Variants in SH3GL2 observed in about 807,000 individuals in gnomAD.
SH3GL2 encodes the protein endophilin-A1.
Under a neutral mutation model 46.0 loss-of-function variants are expected in SH3GL2, and 24 were observed. The ratio of observed to expected loss-of-function variants is 0.52; its 90% CI spans 0.38 to 0.73. The LOEUF is 0.73. SH3GL2 is among the 30% of genes least tolerant of loss of function. SH3GL2 has a pLI of 0.00. For missense variants in SH3GL2, 413 were observed against 424.2 expected, an observed-to-expected ratio of 0.97 and a Z score of 0.23; for synonymous variants, 196 against 147.1, an observed-to-expected ratio of 1.33 and a Z score of -2.40.
intron 1 of SH3GL2, among the ~76,000 whole-genome samples, chr9:17,727,649 A>G (rs1317143666): frequency 2.0e-5 from 3 of 152,152 alleles, no homozygotes; most frequent in Non-Finnish European, 4.4e-5. Context: ...GGAGGCAACC[A>G]CAGCCACTGG....
chr9:17,600,232 T>A (rs1014379110), intron 1 of SH3GL2, among the ~76,000 whole-genome samples: 7 of 152,210 alleles, frequency 4.6e-5, no homozygotes, highest in Admixed American at 2.0e-4. Flanking sequence ...GGATTAATGT[T>A]TGATAGAAAC....
At chr9:17,639,851 G>T (rs1819632932) in intron 1 of SH3GL2, among the ~76,000 whole-genome samples, 1 of 152,134 alleles carries the variant, frequency 6.6e-6, no homozygotes, top group Non-Finnish European at 1.5e-5. Flanking sequence ...ACTTTTAAAA[G>T]TTATGCTAAG....
rs1276660178 is a variant in SH3GL2, at chr9:17,703,214, TTTAAGGATTGTA to T, written c.46-43850_46-43839del. Among the ~76,000 whole-genome samples, 6 of 152,044 alleles carry T rather than the reference TTTAAGGATTGTA, an allele frequency of 3.9e-5. No homozygotes were observed. The East Asian group carries it at 1.2e-3, about 29-fold the overall frequency. On this transcript the variant is annotated intron_variant, in intron 1 of 8. Coordinates refer to ENST00000380607, the MANE Select transcript of SH3GL2 (RefSeq NM_003026.5). ...CTGCATTATTTGGGTAGGGAATGAT[TTTAAGGATTGTA>T]TGGCTCGGGGAAAAAAAACAATAAA...
intron 1 of SH3GL2, among the ~76,000 whole-genome samples, chr9:17,608,401 C>T (rs1818800460): frequency 1.3e-5 from 2 of 152,080 alleles, no homozygotes; most frequent in South Asian, 4.1e-4. Context: ...CCGCCTTGGC[C>T]TCCCAAAGTG....
intron 1 of SH3GL2, among the ~76,000 whole-genome samples, chr9:17,593,301 A>ACCG (rs1818517987): frequency 6.6e-6 from 1 of 151,882 alleles, no homozygotes; most frequent in Non-Finnish European, 1.5e-5. Context: ...CTGGCATCTG[A>ACCG]AGCCAGTTGT....
intron 1 of SH3GL2, among the ~76,000 whole-genome samples, chr9:17,662,992 C>T (rs796920472): frequency 2.8e-4 from 43 of 152,244 alleles, no homozygotes; most frequent in African/African-American, 9.9e-4. Flanking sequence ...CGTGAGCCAC[C>T]GTGCCCAGCT....
At position 17,691,385 on chromosome 9, in the gene SH3GL2, T is replaced by A. The variant is rs564006603; in HGVS notation, c.46-55681T>A. Among the ~76,000 whole-genome samples the A allele has an allele frequency of 1.5e-3, 223 of 152,302 alleles. 1 individual carries two copies. The highest frequency in any genetic ancestry group is 5.1e-3 in the African/African-American group (213 of 41,570). ...TGTGTTTTGTGTGTCTCTTTTAAATTTGTTGGACAGATAATAGAAAATTAG... is the reference window on the plus strand; with the variant it reads ...TGTGTTTTGTGTGTCTCTTTTAAATATGTTGGACAGATAATAGAAAATTAG... On this transcript the variant is annotated intron_variant, in intron 1 of 8. Coordinates refer to ENST00000380607, the MANE Select transcript of SH3GL2 (RefSeq NM_003026.5).
intron 2 of SH3GL2, among the ~76,000 whole-genome samples, chr9:17,748,161 T>C (rs938283283): frequency 3.3e-5 from 5 of 152,102 alleles, no homozygotes; most frequent in Non-Finnish European, 1.5e-5. Context: ...ATATTTTCGC[T>C]TTTACTTTTC....
At chr9:17,693,844 C>T (rs186380152) in intron 1 of SH3GL2, among the ~76,000 whole-genome samples, 7 of 152,222 alleles carry the variant, frequency 4.6e-5, no homozygotes, top group Middle Eastern at 6.8e-3. Context: ...CATTTGTAAT[C>T]GTGGTAACCA....
At chr9:17,716,210 G>T (rs1821753919) in intron 1 of SH3GL2, among the ~76,000 whole-genome samples, 1 of 151,980 alleles carries the variant, frequency 6.6e-6, no homozygotes, top group Non-Finnish European at 1.5e-5. Flanking sequence ...TTGTCATTTG[G>T]ATCTTTTATT....
chr9:17,674,542 A>G (rs184788391), intron 1 of SH3GL2, among the ~76,000 whole-genome samples: 13 of 152,220 alleles, frequency 8.5e-5, no homozygotes, highest in African/African-American at 2.4e-4. Context: ...CTGGGATTAC[A>G]GGTGTGAGCC....
intron 1 of SH3GL2, among the ~76,000 whole-genome samples, chr9:17,599,789 A>T (rs1427650674): frequency 6.6e-6 from 1 of 152,210 alleles, no homozygotes; most frequent in East Asian, 1.9e-4. Context: ...TAGGGTCACA[A>T]TGTTAATTAT....
chr9:17,769,030 C>T (rs1489018913), intron 3 of SH3GL2, among the ~76,000 whole-genome samples: 1 of 152,128 alleles, frequency 6.6e-6, no homozygotes, highest in East Asian at 1.9e-4. Context: ...TGGCCAGCCC[C>T]TTTGCTTCAA....
At chr9:17,659,533 T>C (rs1198204054) in intron 1 of SH3GL2, among the ~76,000 whole-genome samples, 1 of 152,116 alleles carries the variant, frequency 6.6e-6, no homozygotes, top group African/African-American at 2.4e-5. Flanking sequence ...ACTAGGAAAA[T>C]AGTTAAACTC....
chr9:17,626,636 T>C (rs980584545), intron 1 of SH3GL2, among the ~76,000 whole-genome samples: 22 of 152,196 alleles, frequency 1.4e-4, no homozygotes, highest in African/African-American at 5.1e-4. Context: ...AAGGAATGTG[T>C]AAGGATCTGT....
At chr9:17,706,410 C>A (rs1413170989) in intron 1 of SH3GL2, among the ~76,000 whole-genome samples, 1 of 152,110 alleles carries the variant, frequency 6.6e-6, no homozygotes, top group African/African-American at 2.4e-5. Flanking sequence ...AGCACCTCTT[C>A]ATGAACTTTC....
chr9:17,728,125 G>C (rs1344910777), intron 1 of SH3GL2, among the ~76,000 whole-genome samples: 1 of 152,132 alleles, frequency 6.6e-6, no homozygotes, highest in African/African-American at 2.4e-5. Context: ...ACATTTTTGA[G>C]TTTGAAATAA....
At position 17,792,142 on chromosome 9, in the gene SH3GL2, A is replaced by G. The variant is rs139267256; in HGVS notation, c.728+808A>G. Among the ~76,000 whole-genome samples the G allele has an allele frequency of 6.2e-3, 945 of 152,338 alleles. 9 individuals carry two copies. Among genetic ancestry groups the G allele is most frequent in the African/African-American group, 0.021 (893 of 41,578 alleles). On this transcript the variant is annotated intron_variant, in intron 7 of 8. Transcript: ENST00000380607. ...GCTGATCACATGGCTGCCTGCGTGA[A>G]GAAGACACCAATCATACGATTCCAC... is the stretch of plus-strand genomic sequence containing the variant.
chr9:17,696,010 G>T (rs927425214), intron 1 of SH3GL2, among the ~76,000 whole-genome samples: 3 of 152,078 alleles, frequency 2.0e-5, no homozygotes, highest in Non-Finnish European at 4.4e-5. Flanking sequence ...AGTTCAGGCT[G>T]TGTTGTTGTC....
Sources: gnomAD v4.1 joint callset for allele counts (sites outside exome capture counted in the v4.1 genomes callset) on GRCh38, gnomAD v4.1.1 for gene constraint, MANE v1.5 for transcripts, NCBI Gene and HGNC (gene_info 2026-07-23, HGNC 2026-07-21) for gene names.